Variants in ZDHHC21 observed in about 807,000 individuals in gnomAD.
The protein encoded by ZDHHC21 is palmitoyltransferase ZDHHC21.
Under a neutral mutation model 34.6 loss-of-function variants are expected in ZDHHC21, and 15 were observed. The ratio of observed to expected loss-of-function variants is 0.43; its 90% CI spans 0.29 to 0.67. The LOEUF (loss-of-function observed/expected upper bound fraction) is 0.67. Ranked by LOEUF, ZDHHC21 falls within the 30% of genes least tolerant of loss-of-function variation. ZDHHC21 has a pLI of 0.14. For missense variants in ZDHHC21, 344 were observed against 327.7 expected (o/e 1.05, Z -0.38); for synonymous variants, 142 against 101.8 (o/e 1.40, Z -2.38).
chr9:14,619,892 A>C (rs1378421425), intron 8 of ZDHHC21, among the ~76,000 whole-genome samples: 1 of 151,342 alleles, frequency 6.6e-6, no homozygotes, highest in Non-Finnish European at 1.5e-5. Context: ...GCAAAAAAAA[A>C]CCTATTCAAA....
chr9:14,588,916 G>C, the ZDHHC21 span: 2 of 152,072 alleles, frequency 1.3e-5, no homozygotes, highest in African/African-American at 2.4e-5. Context: ...ATATCAGTGA[G>C]GAAAATGGAG....
At chr9:14,651,154 T>TA (rs1196018561) in intron 7 of ZDHHC21, among the ~76,000 whole-genome samples, 1 of 151,796 alleles carries the variant, frequency 6.6e-6, no homozygotes, top group Non-Finnish European at 1.5e-5. Context: ...GGAACATATT[T>TA]AAAAAAATAT....
chr9:14,628,249 T>A (rs1407528874), intron 8 of ZDHHC21, among the ~76,000 whole-genome samples: 3 of 152,176 alleles, frequency 2.0e-5, no homozygotes, highest in Non-Finnish European at 4.4e-5. Context: ...AATTATTTTA[T>A]CTGGGTCACA....
chr9:14,628,719 T>C (rs1826761109), intron 8 of ZDHHC21, among the ~76,000 whole-genome samples: 1 of 152,182 alleles, frequency 6.6e-6, no homozygotes. Context: ...GACAAAAACA[T>C]GTGCAGATGT....
At chr9:14,633,378 C>T (rs1827696525) in intron 8 of ZDHHC21, among the ~76,000 whole-genome samples, 1 of 152,252 alleles carries the variant, frequency 6.6e-6, no homozygotes, top group Admixed American at 6.5e-5. Flanking sequence ...ATTCCCACTG[C>T]AGACTCCTGC....
At chr9:14,650,643 G>C (rs1400559446) in intron 7 of ZDHHC21, among the ~76,000 whole-genome samples, 1 of 151,996 alleles carries the variant, frequency 6.6e-6, no homozygotes, top group African/African-American at 2.4e-5. Flanking sequence ...GCTACCTGCA[G>C]CCAAGTCTTC....
intron 5 of ZDHHC21, among the ~76,000 whole-genome samples, chr9:14,665,549 G>A (rs1032714901): frequency 5.9e-5 from 9 of 151,740 alleles, no homozygotes; most frequent in African/African-American, 2.2e-4. Context: ...ATAATTGTCA[G>A]ATTCACCAAA....
At chr9:14,645,519 T>C (rs999957762) in intron 7 of ZDHHC21, among the ~76,000 whole-genome samples, 4 of 152,102 alleles carry the variant, frequency 2.6e-5, no homozygotes, top group Non-Finnish European at 4.4e-5. Context: ...GAGAATTACA[T>C]TGGTTTTAGA....
At chr9:14,665,498 C>T (rs1167489691) in intron 5 of ZDHHC21, among the ~76,000 whole-genome samples, 25 of 151,642 alleles carry the variant, frequency 1.6e-4, no homozygotes, top group South Asian at 2.1e-4. Flanking sequence ...ATACAGAGAA[C>T]GCCACAAAGA....
rs764774738 is a variant in ZDHHC21, at chr9:14,618,976, T to C, written c.788A>G (p.Asn263Ser). Residue 263 changes from asparagine (N) to serine (S), a missense_variant, in exon 10 of 10, where the codon AAT becomes AGT. Coordinates refer to ENST00000380916, the MANE Select transcript of ZDHHC21 (RefSeq NM_178566.6). The part of the protein sequence containing the change: ...QPLRVPYHFA[N>S]HV ...CCACCATCCATCTGTTTAGACATGA[T>C]TGGCAAAGTGGTAGGGAACTCGCAG... 12 of 1,608,936 alleles carry C rather than the reference T, an allele frequency of 7.5e-6. No individual in the cohort carries two copies. In the African/African-American group the frequency reaches 9.4e-5, roughly 13 times the overall value.
intron 2 of ZDHHC21, among the ~76,000 whole-genome samples, chr9:14,681,604 T>C (rs908819469): frequency 6.6e-6 from 1 of 152,088 alleles, no homozygotes; most frequent in African/African-American, 2.4e-5. Flanking sequence ...GAGGGCTGAA[T>C]TTTGGTGGAC....
In ZDHHC21 at chr9:14,620,321, C is replaced by G. The variant is rs113067086; in HGVS notation, c.622-639G>C. ...AAAAATTTCAACAAACAGAAGATTG[C>G]TTCCAGAAATGCTGGTTTCTGTTAT... On this transcript the variant is annotated intron_variant, in intron 8 of 9. Transcript: ENST00000380916. 1.3e-3 allele frequency among the ~76,000 whole-genome samples: 201 copies of G among 152,110 alleles called. 1 individual carries two copies. Among genetic ancestry groups the G allele is most frequent in the African/African-American group, 4.4e-3 (184 of 41,554 alleles).
the ZDHHC21 span, among the ~76,000 whole-genome samples, chr9:14,603,320 C>T: frequency 6.6e-6 from 1 of 151,902 alleles, no homozygotes; most frequent in African/African-American, 2.4e-5. Context: ...GGAGGAGTTA[C>T]CTCCTATTTG....
chr9:14,676,867 T>C (rs1836488078), intron 3 of ZDHHC21, among the ~76,000 whole-genome samples: 1 of 151,988 alleles, frequency 6.6e-6, no homozygotes, highest in South Asian at 2.1e-4. Context: ...AAGTGCTCTC[T>C]CAACGTGTTC....
chr9:14,639,828 T>G, intron 8 of ZDHHC21, 68 bp downstream of exon 8: 1 of 934,576 alleles, frequency 1.1e-6, no homozygotes, highest in Non-Finnish European at 1.5e-6. Flanking sequence ...TCCTATAACT[T>G]TTGAGAATTA....
rs897935767 is a variant in ZDHHC21, at chr9:14,612,185, C to T, written c.*6781G>A. 8 of 151,944 alleles carry T rather than the reference C, an allele frequency of 5.3e-5. No homozygotes were observed. The highest frequency in any genetic ancestry group is 1.0e-4 in the Non-Finnish European group (7 of 67,914). 9.4% of individuals were successfully genotyped at this position (151,944 alleles called of 1,614,324 possible). On this transcript the variant is annotated 3_prime_UTR_variant, in exon 10 of 10. Coordinates refer to ENST00000380916, the MANE Select transcript of ZDHHC21 (RefSeq NM_178566.6). ...ACATATCGTTCAAATGATCTGAAGC[C>T]ACATTTCACATAAATTTCAGACTTG...
At chr9:14,621,638 A>C (rs1825322646) in intron 8 of ZDHHC21, among the ~76,000 whole-genome samples, 1 of 151,998 alleles carries the variant, frequency 6.6e-6, no homozygotes, top group Non-Finnish European at 1.5e-5. Context: ...TCTGTCTGTA[A>C]CTCTGTTATC....
chr9:14,624,620 A>C (rs2133490551), intron 8 of ZDHHC21, among the ~76,000 whole-genome samples: 1 of 152,192 alleles, frequency 6.6e-6, no homozygotes, highest in East Asian at 1.9e-4. Context: ...TATGAATAGA[A>C]CAGTAGTTAG....
At chr9:14,658,336 G>C (rs978161464) in intron 7 of ZDHHC21, among the ~76,000 whole-genome samples, 2 of 151,846 alleles carry the variant, frequency 1.3e-5, no homozygotes, top group Non-Finnish European at 2.9e-5. Flanking sequence ...TCACCAATTT[G>C]GGAGTTTGCT....
Sources: gnomAD v4.1 joint callset for allele counts (sites outside exome capture counted in the v4.1 genomes callset) on GRCh38, gnomAD v4.1.1 for gene constraint, MANE v1.5 for transcripts, NCBI Gene and HGNC (gene_info 2026-07-23, HGNC 2026-07-21) for gene names.